PTK2: variants seen among roughly 807,000 people sequenced by gnomAD.
The protein encoded by PTK2 is protein tyrosine kinase 2, also known as focal adhesion kinase 1.
Under a neutral mutation model 150.1 loss-of-function variants are expected in PTK2, and 45 were observed. That is an observed-to-expected ratio of 0.30 (90% confidence interval 0.24 to 0.38). PTK2 has a LOEUF of 0.38. Ranked by LOEUF, PTK2 falls within the 10% of genes least tolerant of loss-of-function variation. PTK2 has a pLI of 1.00. For missense variants in PTK2, 919 were observed against 1,307.3 expected, an observed-to-expected ratio of 0.70 and a Z score of 4.58; for synonymous variants, 432 against 449.2, an observed-to-expected ratio of 0.96 and a Z score of 0.48.
chr8:140,814,200 T>C (rs1048082508), intron 10 of PTK2, among the ~76,000 whole-genome samples: 24 of 152,138 alleles, frequency 1.6e-4, no homozygotes, highest in African/African-American at 5.3e-4. Flanking sequence ...ACCACATGGA[T>C]TCACAGCCAA....
At chr8:140,825,375 A>T (rs181172916) in intron 8 of PTK2, among the ~76,000 whole-genome samples, 1 of 152,224 alleles carries the variant, frequency 6.6e-6, no homozygotes, top group Non-Finnish European at 1.5e-5. Flanking sequence ...TCATCTGCTC[A>T]TCCTAGAAAT....
intron 24 of PTK2, among the ~76,000 whole-genome samples, chr8:140,704,516 A>C (rs1381835640): frequency 6.6e-6 from 1 of 152,170 alleles, no homozygotes; most frequent in Non-Finnish European, 1.5e-5. Flanking sequence ...CTGGGACACA[A>C]AGAGAACTGT....
At chr8:140,853,238 T>C (rs967602668) in intron 5 of PTK2, among the ~76,000 whole-genome samples, 2 of 151,626 alleles carry the variant, frequency 1.3e-5, no homozygotes, top group Middle Eastern at 3.2e-3. Context: ...ATGTGCACAA[T>C]ATGCAGGTTT....
intron 9 of PTK2, 111 bp downstream of exon 9, chr8:140,818,769 G>GA (rs1289158614): frequency 1.3e-5 from 15 of 1,152,276 alleles, no homozygotes; most frequent in African/African-American, 1.1e-4. Flanking sequence ...TCATTTTATT[G>GA]AAAAAAATGG....
intron 1 of PTK2, among the ~76,000 whole-genome samples, chr8:140,996,174 C>T (rs1049683945): frequency 6.6e-5 from 10 of 152,342 alleles, no homozygotes; most frequent in Admixed American, 1.3e-4. Flanking sequence ...CCAGCCATAA[C>T]ATTCCCTTGA....
chr8:140,752,722 A>C (rs1478500515), intron 16 of PTK2, among the ~76,000 whole-genome samples: 1 of 152,268 alleles, frequency 6.6e-6, no homozygotes, highest in East Asian at 1.9e-4. Context: ...CGTGTTACAG[A>C]AAAGGGAGAG....
exon 32 of PTK2, chr8:140,659,020 T>C (rs945727018): frequency 4.4e-6 from 1 of 229,794 alleles, no homozygotes; most frequent in Non-Finnish European, 8.6e-6. Context: ...ATAATAATTC[T>C]ATGGTAGACA....
chr8:140,861,343 T>C (rs1236878984), intron 5 of PTK2, among the ~76,000 whole-genome samples: 1 of 152,196 alleles, frequency 6.6e-6, no homozygotes, highest in Non-Finnish European at 1.5e-5. Flanking sequence ...AGCAAGACCC[T>C]GTCTCTATAA....
chr8:140,833,475 T>C (rs2100116745), intron 7 of PTK2, among the ~76,000 whole-genome samples: 1 of 152,234 alleles, frequency 6.6e-6, no homozygotes. Context: ...AAGCCTATTA[T>C]AGATATCTAA....
chr8:140,783,419 T>C (rs146015492), intron 14 of PTK2, among the ~76,000 whole-genome samples: 165 of 152,312 alleles, frequency 1.1e-3, no homozygotes, highest in African/African-American at 3.8e-3. Flanking sequence ...AAGACTCTCA[T>C]GAGGTTTAAA....
At chr8:140,882,557 C>T (rs376113870) in intron 3 of PTK2, among the ~76,000 whole-genome samples, 9 of 152,264 alleles carry the variant, frequency 5.9e-5, no homozygotes, top group African/African-American at 1.9e-4. Flanking sequence ...AAATACACAA[C>T]TTTTCTGATT....
At chr8:140,731,852 G>A (rs2100049597) in intron 22 of PTK2, among the ~76,000 whole-genome samples, 1 of 152,148 alleles carries the variant, frequency 6.6e-6, no homozygotes, top group African/African-American at 2.4e-5. Context: ...GCAGGCAGCA[G>A]AGATGGTGCC....
chr8:140,840,902 A>G (rs1379205791), intron 7 of PTK2, among the ~76,000 whole-genome samples: 2 of 152,192 alleles, frequency 1.3e-5, no homozygotes, highest in Non-Finnish European at 2.9e-5. Context: ...GAAAGTGAAG[A>G]AATGAAAAGT....
intron 1 of PTK2, among the ~76,000 whole-genome samples, chr8:140,964,226 T>C (rs2100184405): frequency 6.6e-6 from 1 of 152,146 alleles, no homozygotes; most frequent in Non-Finnish European, 1.5e-5. Context: ...CTATAATCAA[T>C]AATTTGCCTG....
At chr8:140,759,482 C>A (rs2100067943) in intron 16 of PTK2, among the ~76,000 whole-genome samples, 1 of 133,316 alleles carries the variant, frequency 7.5e-6, no homozygotes, top group Non-Finnish European at 1.5e-5. Context: ...TGCAGAGAGC[C>A]ATGATTGTAC....
chr8:140,793,011 CT>C (rs1475372355), intron 13 of PTK2, among the ~76,000 whole-genome samples: 10 of 152,168 alleles, frequency 6.6e-5, no homozygotes, highest in African/African-American at 2.4e-4. Flanking sequence ...AATTATTTCT[CT>C]TTAATTTTCA....
At chr8:140,803,032 T>G (rs947114915) in intron 11 of PTK2, among the ~76,000 whole-genome samples, 1 of 144,802 alleles carries the variant, frequency 6.9e-6, no homozygotes, top group Non-Finnish European at 1.5e-5. Context: ...TTTTTTTTTT[T>G]GAGACACGGT....
intron 27 of PTK2, among the ~76,000 whole-genome samples, chr8:140,681,509 C>A (rs994717259): frequency 6.6e-6 from 1 of 152,070 alleles, no homozygotes; most frequent in African/African-American, 2.4e-5. Flanking sequence ...CGGTGGCTCA[C>A]GCCTGGAATC....
chr8:140,817,474 T>C (rs1282132450), intron 10 of PTK2, among the ~76,000 whole-genome samples: 3 of 152,200 alleles, frequency 2.0e-5, no homozygotes, highest in African/African-American at 7.2e-5. Context: ...ATGTTACTAG[T>C]GCAAGGCCTG....
Sources: allele counts gnomAD v4.1 joint callset (sites outside exome capture counted in the v4.1 genomes callset), GRCh38; gene constraint gnomAD v4.1.1; transcripts MANE v1.5; gene names NCBI Gene and HGNC (gene_info 2026-07-23, HGNC 2026-07-21).